The following GSE1 variants were observed in gnomAD, a reference collection of about 807,000 sequenced individuals.
The protein encoded by GSE1 is genetic suppressor element 1.
GSE1 carries 32 observed loss-of-function variants against 112.6 expected under a neutral mutation model. That is an observed-to-expected ratio of 0.28 (90% confidence interval 0.21 to 0.38). The LOEUF is 0.38. Ranked by LOEUF, GSE1 falls within the 10% of genes least tolerant of loss-of-function variation. The pLI is 1.00. For missense variants in GSE1, 2,348 were observed against 1,699.2 expected, an observed-to-expected ratio of 1.38 and a Z score of -6.71; for synonymous variants, 1,115 against 735.6, an observed-to-expected ratio of 1.52 and a Z score of -8.35.
intron 2 of GSE1, among the ~76,000 whole-genome samples, chr16:85,464,992 A>T (rs1380020297): frequency 6.6e-6 from 1 of 152,186 alleles, no homozygotes; most frequent in Non-Finnish European, 1.5e-5. Context: ...GTGAGGAAAC[A>T]GTGTGCTCGT....
At chr16:85,359,438 C>T (rs919393020) in intron 2 of GSE1, 5 of 455,764 alleles carry the variant, frequency 1.1e-5, no homozygotes, top group Non-Finnish European at 2.2e-5. Flanking sequence ...GTTTGGGGAG[C>T]AGGCCCACCC....
chr16:85,386,775 T>A (rs2047697549), intron 2 of GSE1, among the ~76,000 whole-genome samples: 1 of 152,212 alleles, frequency 6.6e-6, no homozygotes, highest in Non-Finnish European at 1.5e-5. Context: ...CATGCTGCCC[T>A]CCTGGGACAC....
chr16:85,656,247 C>G, intron 6 of GSE1, 96 bp from the exon 7 acceptor site: 10 of 1,476,946 alleles, frequency 6.8e-6, no homozygotes, highest in Non-Finnish European at 9.2e-6. Flanking sequence ...GATTAGCGCC[C>G]TGGCTCGTTC....
intron 2 of GSE1, among the ~76,000 whole-genome samples, chr16:85,440,145 G>A (rs2049342429): frequency 6.6e-6 from 1 of 152,206 alleles, no homozygotes; most frequent in African/African-American, 2.4e-5. Context: ...AATGTTTGTC[G>A]AGTCAGTGAA....
At chr16:85,371,124 G>C (rs922694462) in intron 2 of GSE1, among the ~76,000 whole-genome samples, 4 of 152,156 alleles carry the variant, frequency 2.6e-5, no homozygotes, top group African/African-American at 9.7e-5. Flanking sequence ...TCGCTGCTCC[G>C]CCCCCCTCGT....
At chr16:85,454,574 C>G (rs1263515635) in intron 2 of GSE1, among the ~76,000 whole-genome samples, 1 of 152,222 alleles carries the variant, frequency 6.6e-6, no homozygotes, top group Admixed American at 6.5e-5. Flanking sequence ...CCAGGGGCCT[C>G]AAAACAACAC....
Position 85,666,059 on chromosome 16 carries a change from G to A in GSE1, c.2842G>A (p.Glu948Lys), listed in dbSNP as rs781712649. 2.9e-5 allele frequency: 47 copies of A among 1,613,448 alleles called. No individual in the cohort carries two copies. The highest frequency in any genetic ancestry group is 3.6e-5 in the Non-Finnish European group (43 of 1,180,042). Residue 948 changes from glutamate to lysine, a missense_variant, in exon 13 of 16, where the codon GAG becomes AAG. Transcript: ENST00000253458. ...CTTGTCTGACATCCCAAAGGCCGCGGAGCCTGGGAAGCTGGAACAGGTCCG... is the reference window on the plus strand; with the variant it reads ...CTTGTCTGACATCCCAAAGGCCGCGAAGCCTGGGAAGCTGGAACAGGTCCG... ...ASLSDIPKAA[E>K]PGKLEQVRPQ...
At chr16:85,440,736 A>T (rs373472066) in intron 2 of GSE1, among the ~76,000 whole-genome samples, 16 of 152,242 alleles carry the variant, frequency 1.1e-4, no homozygotes, top group East Asian at 5.8e-4. Flanking sequence ...ACGGGGGCAC[A>T]GCGCGGCCTG....
At chr16:85,238,379 GA>G (rs1904879394) in intron 1 of GSE1, among the ~76,000 whole-genome samples, 1 of 152,222 alleles carries the variant, frequency 6.6e-6, no homozygotes, top group Non-Finnish European at 1.5e-5. Context: ...GTGTTCCGGA[GA>G]CATCCTCTGC....
intron 1 of GSE1, among the ~76,000 whole-genome samples, chr16:85,224,570 G>A (rs542555794): frequency 1.8e-4 from 28 of 152,120 alleles, no homozygotes; most frequent in Non-Finnish European, 2.9e-4. Flanking sequence ...GGTTCCTTGA[G>A]CATCTACTAT....
intron 2 of GSE1, among the ~76,000 whole-genome samples, chr16:85,519,822 T>C (rs1220800079): frequency 6.6e-6 from 1 of 152,226 alleles, no homozygotes; most frequent in African/African-American, 2.4e-5. Flanking sequence ...TCGTCATTCA[T>C]GGCTAAGGAG....
intron 2 of GSE1, among the ~76,000 whole-genome samples, chr16:85,454,934 A>G (rs1427296884): frequency 6.6e-6 from 1 of 152,162 alleles, no homozygotes; most frequent in African/African-American, 2.4e-5. Context: ...TCGCCTGCCC[A>G]GGTGCGGAGG....
upstream of GSE1, chr16:85,554,867 G>T (rs1393843357): frequency 2.0e-6 from 2 of 985,232 alleles, no homozygotes; most frequent in Admixed American, 1.2e-4. Context: ...GGCGCCCGCA[G>T]CCGCCCACTG....
chr16:85,487,726 C>G (rs1049397811), intron 2 of GSE1, among the ~76,000 whole-genome samples: 3 of 139,274 alleles, frequency 2.2e-5, no homozygotes, highest in African/African-American at 2.6e-5. Flanking sequence ...GCTGTGCCCT[C>G]GGGAAATGGG....
chr16:85,462,260 A>G (rs572608590), intron 2 of GSE1, among the ~76,000 whole-genome samples: 1 of 152,208 alleles, frequency 6.6e-6, no homozygotes, highest in South Asian at 2.1e-4. Context: ...CAGGGAGCTC[A>G]GAGACCCCTG....
intron 1 of GSE1, among the ~76,000 whole-genome samples, chr16:85,284,579 A>G (rs2151428501): frequency 6.6e-6 from 1 of 152,326 alleles, no homozygotes; most frequent in East Asian, 1.9e-4. Flanking sequence ...GATTCTCGGG[A>G]ACTCGGTGCA....
chr16:85,555,727 C>G (rs924150471), upstream of GSE1: 2 of 966,140 alleles, frequency 2.1e-6, no homozygotes, highest in African/African-American at 3.9e-5. Flanking sequence ...CTGTTGGAAA[C>G]AGGTCTCTTG....
At chr16:85,407,898 GC>G (rs1347392797) in intron 2 of GSE1, among the ~76,000 whole-genome samples, 1 of 37,140 alleles carries the variant, frequency 2.7e-5, no homozygotes. Flanking sequence ...TACACTCAGG[GC>G]CCCCCTGGAT....
At chr16:85,631,933 C>T (rs1012078513) in intron 1 of GSE1, among the ~76,000 whole-genome samples, 2 of 152,264 alleles carry the variant, frequency 1.3e-5, no homozygotes, top group African/African-American at 4.8e-5. Flanking sequence ...GCGGGGGACA[C>T]GCAGAGGCCA....
Sources: allele counts gnomAD v4.1 joint callset (sites outside exome capture counted in the v4.1 genomes callset), GRCh38; gene constraint gnomAD v4.1.1; transcripts MANE v1.5; gene names NCBI Gene and HGNC (gene_info 2026-07-23, HGNC 2026-07-21).